Variants in SPEF2 observed in about 807,000 individuals in gnomAD.
SPEF2 encodes the protein sperm flagella and cilia-associated protein 2.
SPEF2 carries 187 observed loss-of-function variants against 224.6 expected under a neutral mutation model. The ratio of observed to expected loss-of-function variants is 0.83; its 90% CI spans 0.74 to 0.94. The LOEUF (loss-of-function observed/expected upper bound fraction) is 0.94. Ranked by LOEUF, SPEF2 falls within the 40% of genes least tolerant of loss-of-function variation. SPEF2 has a pLI of 0.00. For missense variants in SPEF2, 2,170 were observed against 2,135.6 expected (o/e 1.02, Z -0.32); for synonymous variants, 715 against 707.3 (o/e 1.01, Z -0.17).
chr5:35,736,191 C>CT (rs1156765215), intron 21 of SPEF2, among the ~76,000 whole-genome samples: 2 of 152,056 alleles, frequency 1.3e-5, no homozygotes, highest in African/African-American at 4.8e-5. Context: ...TCAATGCAGT[C>CT]TTTTTTACAT....
intron 1 of SPEF2, among the ~76,000 whole-genome samples, chr5:35,626,152 A>C (rs1744212754): frequency 6.6e-6 from 1 of 152,124 alleles, no homozygotes; most frequent in African/African-American, 2.4e-5. Flanking sequence ...ATGAATTTCA[A>C]ATTCTCCTGC....
At chr5:35,773,842 C>T in intron 27 of SPEF2, 51 bp from the exon 28 acceptor site, 1 of 1,578,628 alleles carries the variant, frequency 6.3e-7, no homozygotes, top group Admixed American at 1.8e-5. Flanking sequence ...GTACTATGTG[C>T]ACACCTTTGT....
chr5:35,792,611 A>C (rs752904271), intron 31 of SPEF2, among the ~76,000 whole-genome samples, 165 bp downstream of exon 31: 3 of 152,226 alleles, frequency 2.0e-5, no homozygotes, highest in Non-Finnish European at 2.9e-5. Context: ...TAAAACATAT[A>C]ATATGCATAT....
intron 25 of SPEF2, among the ~76,000 whole-genome samples, chr5:35,762,730 C>T (rs1751493204): frequency 6.6e-6 from 1 of 152,178 alleles, no homozygotes; most frequent in Admixed American, 6.5e-5. Context: ...GGATTCCAGT[C>T]ACAATAAGCA....
chr5:35,788,671 T>G (rs761765977), intron 30 of SPEF2: 1 of 703,020 alleles, frequency 1.4e-6, no homozygotes, highest in South Asian at 1.5e-5. Context: ...TGGTTGGTTT[T>G]GGAAGTGATG....
intron 21 of SPEF2, among the ~76,000 whole-genome samples, 172 bp from the exon 22 acceptor site, chr5:35,739,747 T>C (rs752748549): frequency 3.3e-5 from 5 of 152,080 alleles, no homozygotes; most frequent in Non-Finnish European, 7.4e-5. Flanking sequence ...GGAATATGAA[T>C]TTGCTGGAGT....
chr5:35,675,942 T>C (rs1012569472), intron 10 of SPEF2: 5 of 456,146 alleles, frequency 1.1e-5, no homozygotes, highest in African/African-American at 1.0e-4. Context: ...GAAGATGAAC[T>C]TGGGTCATGT....
chr5:35,788,921 C>T (rs779468576), intron 30 of SPEF2: 13 of 702,906 alleles, frequency 1.8e-5, no homozygotes, highest in Admixed American at 1.0e-4. Context: ...CCTTCACCTT[C>T]GACCTGTGAT....
chr5:35,694,728 T>G (rs1016370778), intron 13 of SPEF2, among the ~76,000 whole-genome samples: 14 of 152,194 alleles, frequency 9.2e-5, no homozygotes, highest in African/African-American at 3.4e-4. Context: ...TGGGGCTTTC[T>G]ACGTGCTCCT....
chr5:35,814,425 A>G, intron 36 of SPEF2, 39 bp from the exon 37 acceptor site: 1 of 1,199,208 alleles, frequency 8.3e-7, no homozygotes, highest in Non-Finnish European at 1.2e-6. Flanking sequence ...ATCATCCTTT[A>G]TTAGTATTTG....
chr5:35,692,686 G>C lies in SPEF2; in HGVS notation c.1861G>C (p.Ala621Pro). ...LPIQKNDEEDALPVLQEEIKE... is the reference protein window; with the variant it reads ...LPIQKNDEEDPLPVLQEEIKE... Reference sequence around the variant, plus strand: ...AATTCAGAAAAATGATGAAGAAGATGCTCTACCAGTTCTGCAAGAGGAGAT... The same window carrying C: ...AATTCAGAAAAATGATGAAGAAGATCCTCTACCAGTTCTGCAAGAGGAGAT... Residue 621 changes from alanine to proline, a missense_variant, in exon 12 of 37, where the codon GCT becomes CCT. By Grantham distance (27) the Ala-to-Pro change is conservative (BLOSUM62 -1). Transcript: ENST00000356031. The C allele has an allele frequency of 6.2e-7, 1 of 1,613,710 alleles. No homozygotes were observed. Among genetic ancestry groups the C allele is most frequent in the East Asian group, 2.2e-5 (1 of 44,850 alleles).
At chr5:35,628,760 T>G (rs1036846091) in intron 2 of SPEF2, among the ~76,000 whole-genome samples, 198 bp downstream of exon 2, 1 of 152,014 alleles carries the variant, frequency 6.6e-6, no homozygotes, top group Admixed American at 6.5e-5. Context: ...CCTGGCTAAT[T>G]TTTGTATTTT....
At chr5:35,694,957 T>C (rs939314774) in intron 13 of SPEF2, among the ~76,000 whole-genome samples, 1 of 152,194 alleles carries the variant, frequency 6.6e-6, no homozygotes, top group African/African-American at 2.4e-5. Context: ...TATTTTTTCC[T>C]GTATGTGCTA....
rs773236027 is a variant in SPEF2 at position 35,628,461 on chromosome 5, T to A, written c.60T>A (p.Ser20Arg). 1 of 1,609,186 alleles carries A rather than the reference T, an allele frequency of 6.2e-7. No homozygotes were observed. Among genetic ancestry groups the A allele is most frequent in the South Asian group, 1.1e-5 (1 of 90,916 alleles). Reference sequence around the variant, plus strand: ...TTATCTCAATGTTTTGAAACTCAGGTCCCAAGTCATTTGCAAAGGCATTTT... The same window carrying A: ...TTATCTCAATGTTTTGAAACTCAGGACCCAAGTCATTTGCAAAGGCATTTT... ...NKELKVSRTV[S>R]PKSFAKAFSS... Residue 20 changes from serine to arginine, a missense_variant and splice_region_variant, in exon 2 of 37, where the codon AGT becomes AGA. Physicochemically the swap from Ser to Arg is moderately radical, Grantham distance 110 (BLOSUM62 -1). Transcript: ENST00000356031.
intron 10 of SPEF2, chr5:35,670,616 A>C (rs1751104545): frequency 1.0e-6 from 1 of 986,014 alleles, no homozygotes; most frequent in African/African-American, 1.7e-5. Context: ...GACTTTTTTT[A>C]CAGGCAAAAT....
At chr5:35,695,656 A>G in intron 13 of SPEF2, 79 bp from the exon 14 acceptor site, 2 of 1,196,626 alleles carry the variant, frequency 1.7e-6, no homozygotes, top group Non-Finnish European at 2.4e-6. Flanking sequence ...TATGTCCAAA[A>G]CCATAGATGG....
chr5:35,781,327 C>T (rs1023990506), intron 30 of SPEF2: 7 of 151,720 alleles, frequency 4.6e-5, no homozygotes, highest in African/African-American at 1.7e-4. Flanking sequence ...ATCAGTGTGC[C>T]CTGAAATTGG....
intron 30 of SPEF2, chr5:35,788,800 G>A: frequency 1.4e-6 from 1 of 702,950 alleles, no homozygotes; most frequent in African/African-American, 1.7e-5. Context: ...ACAAAGCGGT[G>A]TTCCAGAACA....
chr5:35,708,950 GAGAAGAAATT>G lies in SPEF2; in HGVS notation c.2677_2686del (p.Leu893ArgfsTer90). ...CAATTCTTATCATCCTTTTGAAGTT[GAGAAGAAATT>G]AGAAGAAAAGGAAGCTGAGAAAAAA... On this transcript the variant is annotated frameshift_variant, in exon 19 of 37. Coordinates refer to ENST00000356031, the MANE Select transcript of SPEF2 (RefSeq NM_024867.4). LOFTEE classifies it high-confidence loss of function. 1 of 1,606,396 alleles carries G rather than the reference GAGAAGAAATT, an allele frequency of 6.2e-7. No individual in the cohort carries two copies. Among genetic ancestry groups the G allele is most frequent in the South Asian group, 1.1e-5 (1 of 89,432 alleles).
Sources: allele counts gnomAD v4.1 joint callset (sites outside exome capture counted in the v4.1 genomes callset), GRCh38; gene constraint gnomAD v4.1.1; transcripts MANE v1.5; gene names NCBI Gene and HGNC (gene_info 2026-07-23, HGNC 2026-07-21).